DMXL2: variants seen among roughly 807,000 people sequenced by gnomAD.
DMXL2 encodes the protein dmX-like protein 2.
Under a neutral mutation model 331.1 loss-of-function variants are expected in DMXL2, and 103 were observed. The ratio of observed to expected loss-of-function variants is 0.31; its 90% CI spans 0.27 to 0.37. DMXL2 has a LOEUF of 0.37. Among genes scored for constraint, DMXL2 ranks in the 10% least tolerant of loss-of-function variants. DMXL2 has a pLI of 1.00. For synonymous variants in DMXL2, 1,281 were observed against 1,252.1 expected, an observed-to-expected ratio of 1.02 and a Z score of -0.49; for missense variants, 3,171 against 3,642.9, an observed-to-expected ratio of 0.87 and a Z score of 3.33.
intron 13 of DMXL2, among the ~76,000 whole-genome samples, chr15:51,526,688 A>G (rs1226213514): frequency 3.3e-5 from 5 of 152,238 alleles, no homozygotes; most frequent in Non-Finnish European, 7.3e-5. Flanking sequence ...CTATCAGATA[A>G]ATTTAACAAG....
At chr15:51,596,460 T>C (rs2052814043) in intron 1 of DMXL2, among the ~76,000 whole-genome samples, 1 of 152,200 alleles carries the variant, frequency 6.6e-6, no homozygotes, top group Admixed American at 6.5e-5. Flanking sequence ...GGAACACTTT[T>C]ACACTGCTGG....
chr15:51,471,177 T>G, intron 29 of DMXL2, 46 bp downstream of exon 29: 1 of 1,549,456 alleles, frequency 6.5e-7, no homozygotes, highest in Non-Finnish European at 8.8e-7. Flanking sequence ...GTTAATAAAA[T>G]AGATGATAGA....
At chr15:51,515,413 A>G (rs2046980342) in intron 14 of DMXL2, among the ~76,000 whole-genome samples, 1 of 152,146 alleles carries the variant, frequency 6.6e-6, no homozygotes, top group Non-Finnish European at 1.5e-5. Context: ...CTCTTTACAT[A>G]ATAGAAAGAA....
intron 28 of DMXL2, among the ~76,000 whole-genome samples, chr15:51,473,108 T>A (rs920264578): frequency 3.1e-4 from 47 of 152,224 alleles, no homozygotes; most frequent in Admixed American, 2.4e-3. Context: ...GTCTCAGATA[T>A]CCACATGGTG....
intron 32 of DMXL2, 36 bp from the exon 33 acceptor site, chr15:51,463,532 T>G (rs774254126): frequency 4.8e-5 from 57 of 1,194,830 alleles, no homozygotes; most frequent in Non-Finnish European, 6.4e-5. Flanking sequence ...ACTACTTTAG[T>G]CTATAGAAAA....
At chr15:51,617,291 C>T (rs936761673) in intron 1 of DMXL2, among the ~76,000 whole-genome samples, 1 of 152,156 alleles carries the variant, frequency 6.6e-6, no homozygotes, top group East Asian at 1.9e-4. Context: ...GAAAGGAGAA[C>T]CTAAACACCA....
At chr15:51,547,502 T>A in intron 6 of DMXL2, 94 bp from the exon 7 acceptor site, 1 of 776,348 alleles carries the variant, frequency 1.3e-6, no homozygotes, top group Non-Finnish European at 1.9e-6. Context: ...AAGTTACATC[T>A]AAAAACTAAT....
rs141329464 is a variant in DMXL2 at position 51,470,172 on chromosome 15, G to A, written c.7392+1051C>T. 3.3e-5 allele frequency among the ~76,000 whole-genome samples: 5 copies of A among 152,154 alleles called. No homozygotes were observed. In the East Asian group the frequency reaches 5.8e-4, roughly 18 times the overall value. On this transcript the variant is annotated intron_variant, in intron 29 of 43. Transcript: ENST00000560891. ...TTTTTTTGAGACACTGTCTCAGTCC[G>A]ACACCCAGGCTGGTGTGCAGTGGCA...
At chr15:51,463,596 G>T in intron 32 of DMXL2, 100 bp from the exon 33 acceptor site, 2 of 708,644 alleles carry the variant, frequency 2.8e-6, no homozygotes, top group Non-Finnish European at 4.5e-6. Context: ...CTATTGCAAA[G>T]ATATTTATTT....
chr15:51,458,156 A>G (rs571610246), intron 36 of DMXL2: 1 of 181,938 alleles, frequency 5.5e-6, no homozygotes, highest in East Asian at 1.4e-4. Flanking sequence ...ATCAGGTGAT[A>G]AGAAGAAACA....
At chr15:51,530,145 A>G (rs1247046516) in intron 13 of DMXL2, among the ~76,000 whole-genome samples, 1 of 152,190 alleles carries the variant, frequency 6.6e-6, no homozygotes, top group Non-Finnish European at 1.5e-5. Flanking sequence ...GGAAAAACTG[A>G]AAGCCTTTCC....
chr15:51,454,086 T>C (rs1175913364), intron 40 of DMXL2: 1 of 159,042 alleles, frequency 6.3e-6, no homozygotes, highest in Non-Finnish European at 1.4e-5. Context: ...GGTACAGATC[T>C]GACTGAAGAC....
chr15:51,545,254 T>C (rs1327594539), intron 8 of DMXL2, among the ~76,000 whole-genome samples: 3 of 152,142 alleles, frequency 2.0e-5, no homozygotes, highest in Non-Finnish European at 4.4e-5. Flanking sequence ...TCTTTACATA[T>C]TTTACTAATA....
At chr15:51,517,249 G>T (rs2047087719) in intron 13 of DMXL2, 82 bp from the exon 14 acceptor site, 1 of 991,890 alleles carries the variant, frequency 1.0e-6, no homozygotes, top group Non-Finnish European at 1.6e-6. Flanking sequence ...GGACATTTAA[G>T]GCCCCCTCTA....
chr15:51,589,114 G>A (rs2052091734), intron 1 of DMXL2, among the ~76,000 whole-genome samples: 1 of 152,132 alleles, frequency 6.6e-6, no homozygotes, highest in Non-Finnish European at 1.5e-5. Flanking sequence ...TAACCAGCTG[G>A]AAAAGATGAG....
rs558681013 is a variant in DMXL2, at chr15:51,596,337, T to C, written c.88-20156A>G. Among the ~76,000 whole-genome samples, 181 of 151,552 alleles carry C rather than the reference T, an allele frequency of 1.2e-3. 1 individual carries two copies. The highest frequency in any genetic ancestry group is 3.5e-3 in the African/African-American group (145 of 41,336). The stretch of plus-strand genomic sequence containing the variant: ...ATGAAAAAATGCTCATCATCACTGG[T>C]CATCAGAGAAATGCAGATCAAAACC... On this transcript the variant is annotated intron_variant, in intron 1 of 43. Transcript: ENST00000560891.
chr15:51,478,367 A>G lies in DMXL2; in HGVS notation c.6757-20T>C. The G allele has an allele frequency of 6.2e-7, 1 of 1,606,026 alleles. No homozygotes were observed. On this transcript the variant is annotated intron_variant, in intron 25 of 43. Transcript: ENST00000560891. ...GTGCACCTAAAACCAAAACAGTCAC[A>G]ATTACATTTTGTACTAACATTTCTA...
chr15:51,548,161 ACAG>A (rs201771122), intron 6 of DMXL2, among the ~76,000 whole-genome samples: 4,076 of 152,234 alleles, frequency 0.027, 84 homozygotes, highest in Middle Eastern at 0.044. Flanking sequence ...CTGTATTTTA[ACAG>A]AAACTATCTT....
At chr15:51,516,693 G>A (rs2047056830) in intron 14 of DMXL2, among the ~76,000 whole-genome samples, 1 of 152,100 alleles carries the variant, frequency 6.6e-6, no homozygotes, top group South Asian at 2.1e-4. Context: ...TTTGTTACAT[G>A]GATGAACTAG....
Sources: allele counts gnomAD v4.1 joint callset (sites outside exome capture counted in the v4.1 genomes callset), GRCh38; gene constraint gnomAD v4.1.1; transcripts MANE v1.5; gene names NCBI Gene and HGNC (gene_info 2026-07-23, HGNC 2026-07-21).